ODF2L: variants seen among roughly 807,000 people sequenced by gnomAD.
ODF2L encodes the protein protein BCAP.
Under a neutral mutation model 86.3 loss-of-function variants are expected in ODF2L, and 76 were observed. That is an observed-to-expected ratio of 0.88 (90% CI 0.73 to 1.07). ODF2L has a LOEUF of 1.07. ODF2L is among the 50% of genes least tolerant of loss of function. ODF2L has a pLI of 0.00. For synonymous variants in ODF2L, 241 were observed against 231.3 expected, an observed-to-expected ratio of 1.04 and a Z score of -0.38; for missense variants, 748 against 717.4, an observed-to-expected ratio of 1.04 and a Z score of -0.49.
downstream of ODF2L, chr1:86,347,758 G>C (rs1375095870): frequency 6.6e-6 from 1 of 152,158 alleles, no homozygotes; most frequent in Non-Finnish European, 1.5e-5. Context: ...GTGTTCCTCT[G>C]AATTAACAGC....
chr1:86,361,106 G>T (rs898656201), intron 11 of ODF2L, among the ~76,000 whole-genome samples: 3 of 152,170 alleles, frequency 2.0e-5, no homozygotes, highest in African/African-American at 7.2e-5. Flanking sequence ...AAGAAGATAT[G>T]TAGAAATGTA....
chr1:86,363,858 T>G lies in ODF2L; in HGVS notation c.1144-3322A>C, dbSNP rs151242402. Reference sequence around the variant, plus strand: ...TTCTGTTGTGTTTAATAGAGGAGGTTACTCGGCCTTGAAAGCAGTACTCAC... The same window carrying G: ...TTCTGTTGTGTTTAATAGAGGAGGTGACTCGGCCTTGAAAGCAGTACTCAC... On this transcript the variant is annotated intron_variant, in intron 11 of 17. Coordinates refer to ENST00000317336, the Ensembl canonical transcript of ODF2L. Among the ~76,000 whole-genome samples, 437 of 152,208 alleles carry G rather than the reference T, an allele frequency of 2.9e-3. 1 individual carries two copies. Among genetic ancestry groups the G allele is most frequent in the Admixed American group, 8.6e-3 (131 of 15,290 alleles).
Position 86,394,607 on chromosome 1 carries a change from AAG to A in ODF2L, c.-60+1424_-60+1425del, listed in dbSNP as rs566589864. On this transcript the variant is annotated intron_variant, in intron 1 of 17. Coordinates refer to ENST00000317336, the Ensembl canonical transcript of ODF2L. ...GCTAAAAGCACAGACTACAATTCTA[AAG>A]AGAGAGAGCAGACCGCGACCAGATC... is the stretch of plus-strand genomic sequence containing the variant. 1.2e-3 allele frequency among the ~76,000 whole-genome samples: 178 copies of A among 152,220 alleles called. 1 individual carries two copies. Among genetic ancestry groups the A allele is most frequent in the African/African-American group, 4.2e-3 (176 of 41,544 alleles).
chr1:86,367,125 G>A (rs1490882881), intron 11 of ODF2L, among the ~76,000 whole-genome samples: 4 of 152,056 alleles, frequency 2.6e-5, no homozygotes, highest in Non-Finnish European at 5.9e-5. Flanking sequence ...TCAGAATGGT[G>A]GCAGATTTTC....
At chr1:86,389,148 T>C (rs745508555) in intron 1 of ODF2L, among the ~76,000 whole-genome samples, 3 of 152,236 alleles carry the variant, frequency 2.0e-5, no homozygotes, top group East Asian at 1.9e-4. Context: ...ATCATTTTAT[T>C]GGACCAAATG....
At chr1:86,394,291 C>T (rs1322134607) in intron 1 of ODF2L, among the ~76,000 whole-genome samples, 1 of 151,852 alleles carries the variant, frequency 6.6e-6, no homozygotes, top group Non-Finnish European at 1.5e-5. Flanking sequence ...TGGTGGGCAC[C>T]TGTAGTCCCA....
At chr1:86,392,108 C>T (rs568580398) in intron 1 of ODF2L, among the ~76,000 whole-genome samples, 112 of 152,260 alleles carry the variant, frequency 7.4e-4, no homozygotes, top group African/African-American at 2.5e-3. Flanking sequence ...CACTAATGAT[C>T]AGAGAAATGC....
At chr1:86,357,828 A>T (rs949554539) in intron 13 of ODF2L, 1 of 985,082 alleles carries the variant, frequency 1.0e-6, no homozygotes, top group Admixed American at 6.2e-5. Context: ...ACAGGCTCCA[A>T]CCCTTTCCGT....
rs939923087 is a variant in ODF2L, at chr1:86,355,600, G to C, written c.1519-741C>G. ...TACACAGGTCAGCTTGTGTCATGGGGGTTTGTTGTACAGATTATTTCATCA... is the reference window on the plus strand; with the variant it reads ...TACACAGGTCAGCTTGTGTCATGGGCGTTTGTTGTACAGATTATTTCATCA... On this transcript the variant is annotated intron_variant, in intron 14 of 17. Coordinates refer to ENST00000317336, the Ensembl canonical transcript of ODF2L. Among the ~76,000 whole-genome samples, 3 of 152,034 alleles carry C rather than the reference G, an allele frequency of 2.0e-5. No homozygotes were observed. In the East Asian group the frequency reaches 5.8e-4, roughly 29 times the overall value.
exon 13 of ODF2L, chr1:86,358,796 A>G: frequency 1.5e-6 from 2 of 1,354,380 alleles, no homozygotes; most frequent in Non-Finnish European, 2.1e-6. Flanking sequence ...CCTTCTCTAC[A>G]TTTTTATTTT....
At chr1:86,369,719 C>A (rs1013216572) in intron 10 of ODF2L, among the ~76,000 whole-genome samples, 2 of 152,136 alleles carry the variant, frequency 1.3e-5, no homozygotes, top group Non-Finnish European at 2.9e-5. Context: ...GTATCTCCCA[C>A]AAAGACAGAT....
At chr1:86,379,282 T>C (rs749327606) in intron 7 of ODF2L, among the ~76,000 whole-genome samples, 1 of 152,210 alleles carries the variant, frequency 6.6e-6, no homozygotes, top group Non-Finnish European at 1.5e-5. Flanking sequence ...AATAATCCTC[T>C]ACACATTGGG....
In ODF2L at chr1:86,374,814, G is replaced by A. The variant is rs916786851; in HGVS notation, c.810+1419C>T. The stretch of plus-strand genomic sequence containing the variant: ...CTCTGTAGTCCTTGGCAAAATTTAC[G>A]CATTGTGTAGATATGTGATAACATT... On this transcript the variant is annotated intron_variant, in intron 8 of 17. Transcript: ENST00000317336. 5 of 152,160 alleles carry A rather than the reference G, an allele frequency of 3.3e-5. No homozygotes were observed. In the East Asian group the frequency reaches 5.8e-4, roughly 18 times the overall value. The allele number at this position is 152,160 out of a possible 1,614,324, so 9.4% of individuals were successfully genotyped here.
chr1:86,388,930 T>A (rs1661133193), intron 1 of ODF2L, among the ~76,000 whole-genome samples: 1 of 152,148 alleles, frequency 6.6e-6, no homozygotes. Flanking sequence ...ATTTACTGAT[T>A]TCTCAACACA....
At chr1:86,366,798 A>G (rs1243644454) in intron 11 of ODF2L, among the ~76,000 whole-genome samples, 1 of 152,184 alleles carries the variant, frequency 6.6e-6, no homozygotes, top group Non-Finnish European at 1.5e-5. Context: ...AAAATTGAAC[A>G]AAACCCAGAA....
rs1306977779 is a variant in ODF2L, at chr1:86,376,432, T to G, written c.625-14A>C. 4.0e-6 allele frequency: 6 copies of G among 1,503,884 alleles called. No homozygotes were observed. In the South Asian group the frequency reaches 7.3e-5, roughly 18 times the overall value. The allele number at this position is 1,503,884 out of a possible 1,614,324, so 93.2% of individuals were successfully genotyped here. On this transcript the variant is annotated splice_polypyrimidine_tract_variant and intron_variant, in intron 7 of 17. Coordinates refer to ENST00000317336, the Ensembl canonical transcript of ODF2L. ...GGTTTCTAAGCTCTAAAAAAAAAATTAGCAACAATTAAATTATTTCAGAAC... is the reference window on the plus strand; with the variant it reads ...GGTTTCTAAGCTCTAAAAAAAAAATGAGCAACAATTAAATTATTTCAGAAC...
chr1:86,351,874 AT>A (rs1428490465), exon 18 of ODF2L: 1 of 1,050,412 alleles, frequency 9.5e-7, no homozygotes, highest in Non-Finnish European at 1.1e-6. Flanking sequence ...GGATCTATTT[AT>A]TTTACTAGCT....
chr1:86,385,427 T>C (rs777960239), intron 3 of ODF2L, 31 bp downstream of exon 3: 1 of 1,377,982 alleles, frequency 7.3e-7, no homozygotes, highest in Non-Finnish European at 1.0e-6. Context: ...TACTAGCTTT[T>C]CATTTTATTA....
chr1:86,388,993 A>T (rs1014896436), intron 1 of ODF2L, among the ~76,000 whole-genome samples: 8 of 152,190 alleles, frequency 5.3e-5, no homozygotes, highest in Non-Finnish European at 1.2e-4. Context: ...ATCAACAGTC[A>T]TCTTCTCCAG....
Sources: gnomAD v4.1 joint callset for allele counts (sites outside exome capture counted in the v4.1 genomes callset) on GRCh38, gnomAD v4.1.1 for gene constraint, MANE v1.5 for transcripts, NCBI Gene and HGNC (gene_info 2026-07-23, HGNC 2026-07-21) for gene names.